ANKRD17: variants seen among roughly 807,000 people sequenced by gnomAD.
ANKRD17 encodes ankyrin repeat domain 17.
In ANKRD17, 19 loss-of-function variants were observed where a neutral mutation model predicts 229.7. That is an observed-to-expected ratio of 0.08 (90% CI 0.06 to 0.12). ANKRD17 has a LOEUF of 0.12. Among genes scored for constraint, ANKRD17 ranks in the 10% least tolerant of loss-of-function variants. The pLI, the probability that ANKRD17 is intolerant of heterozygous loss-of-function variation, is 1.00. For synonymous variants in ANKRD17, 1,112 were observed against 1,146.1 expected, an observed-to-expected ratio of 0.97 and a Z score of 0.60; for missense variants, 2,176 against 3,176.8, an observed-to-expected ratio of 0.68 and a Z score of 7.57.
chr4:73,154,157 C>A, intron 5 of ANKRD17, 44 bp from the exon 6 acceptor site: 1 of 1,361,966 alleles, frequency 7.3e-7, no homozygotes, highest in Non-Finnish European at 9.8e-7. Context: ...CATAAAATAC[C>A]AAAATAAATT....
intron 2 of ANKRD17, among the ~76,000 whole-genome samples, chr4:73,174,623 A>G (rs1378032417): frequency 1.3e-5 from 2 of 152,342 alleles, no homozygotes; most frequent in East Asian, 3.9e-4. Context: ...ACTGATAAGG[A>G]AGAAGTCAAA....
At chr4:73,111,614 A>G (rs1725326401) in intron 24 of ANKRD17, among the ~76,000 whole-genome samples, 1 of 152,268 alleles carries the variant, frequency 6.6e-6, no homozygotes, top group South Asian at 2.1e-4. Flanking sequence ...TATTTAAAAA[A>G]TATGTATAAG....
intron 33 of ANKRD17, 104 bp downstream of exon 33, chr4:73,076,836 A>G (rs1463878294): frequency 2.2e-6 from 3 of 1,356,804 alleles, no homozygotes; most frequent in Non-Finnish European, 3.0e-6. Flanking sequence ...TCAACTGCCC[A>G]TATTCACCAA....
chr4:73,086,366 TA>T (rs1176134813), intron 29 of ANKRD17, among the ~76,000 whole-genome samples: 1 of 152,182 alleles, frequency 6.6e-6, no homozygotes, highest in Non-Finnish European at 1.5e-5. Flanking sequence ...TAGGGATTTT[TA>T]GATAACATTT....
At chr4:73,223,318 A>G (rs1329237541) in intron 1 of ANKRD17, among the ~76,000 whole-genome samples, 1 of 152,248 alleles carries the variant, frequency 6.6e-6, no homozygotes, top group Non-Finnish European at 1.5e-5. Context: ...AAATTTCAAA[A>G]AAGAAATAAC....
chr4:73,075,188 TTGA>T lies in ANKRD17; in HGVS notation c.*1040_*1042del, dbSNP rs780752233. The T allele has an allele frequency of 3.3e-5, 5 of 152,162 alleles. No homozygotes were observed. Among genetic ancestry groups the T allele is most frequent in the African/African-American group, 4.8e-5 (2 of 41,466 alleles). 9.4% of individuals were successfully genotyped at this position (152,162 alleles called of 1,614,324 possible). On this transcript the variant is annotated 3_prime_UTR_variant, in exon 34 of 34. Transcript: ENST00000358602. Reference sequence around the variant, plus strand: ...AAAATTGAAATTTTTATGTTGACTGTTGATGACTGAAAAGCCAATGTTAAGAAT... The same window carrying T: ...AAAATTGAAATTTTTATGTTGACTGTTGACTGAAAAGCCAATGTTAAGAAT...
intron 25 of ANKRD17, among the ~76,000 whole-genome samples, chr4:73,099,870 T>C (rs1187982902): frequency 6.6e-6 from 1 of 152,134 alleles, no homozygotes; most frequent in South Asian, 2.1e-4. Flanking sequence ...ATTGCGGTGA[T>C]GGAGATGCAG....
chr4:73,257,451 TC>T (rs772444462), intron 1 of ANKRD17, among the ~76,000 whole-genome samples: 5 of 152,096 alleles, frequency 3.3e-5, no homozygotes, highest in Non-Finnish European at 4.4e-5. Context: ...CAGGCCTGGC[TC>T]CAAAGCCTAC....
At chr4:73,078,170 A>G (rs972604160) in intron 31 of ANKRD17, among the ~76,000 whole-genome samples, 1 of 152,110 alleles carries the variant, frequency 6.6e-6, no homozygotes, top group South Asian at 2.1e-4. Flanking sequence ...CAAGGTCAGG[A>G]GATCGTGACC....
intron 2 of ANKRD17, among the ~76,000 whole-genome samples, chr4:73,169,644 C>T (rs2148954867): frequency 6.6e-6 from 1 of 152,228 alleles, no homozygotes; most frequent in South Asian, 2.1e-4. Context: ...CTGGTTTTGA[C>T]TTCGCATTGC....
intron 1 of ANKRD17, among the ~76,000 whole-genome samples, chr4:73,184,006 AT>A (rs1242268701): frequency 6.6e-6 from 1 of 152,192 alleles, no homozygotes; most frequent in Non-Finnish European, 1.5e-5. Flanking sequence ...TCTTTTAACA[AT>A]GGTCAGAGCT....
chr4:73,123,483 C>G (rs766034064), intron 18 of ANKRD17, among the ~76,000 whole-genome samples: 22 of 151,968 alleles, frequency 1.4e-4, no homozygotes, highest in Non-Finnish European at 2.7e-4. Context: ...GGCTCCTTGT[C>G]TCTTGTGTGG....
At chr4:73,183,235 T>A (rs879718329) in intron 1 of ANKRD17, among the ~76,000 whole-genome samples, 72 of 152,294 alleles carry the variant, frequency 4.7e-4, no homozygotes, top group South Asian at 8.3e-4. Context: ...AAAAACAGTA[T>A]TTTTGAGACA....
intron 27 of ANKRD17, among the ~76,000 whole-genome samples, chr4:73,096,643 G>A (rs1315201673): frequency 6.6e-6 from 1 of 152,034 alleles, no homozygotes; most frequent in Non-Finnish European, 1.5e-5. Context: ...CTCCTTTTAC[G>A]TTTCTGAGAT....
At chr4:73,225,303 C>T (rs1742352992) in intron 1 of ANKRD17, among the ~76,000 whole-genome samples, 1 of 152,146 alleles carries the variant, frequency 6.6e-6, no homozygotes, top group Non-Finnish European at 1.5e-5. Context: ...GAACACTCTC[C>T]TTTTCCATAA....
intron 25 of ANKRD17, chr4:73,101,315 C>T (rs1723950874): frequency 1.5e-6 from 1 of 687,936 alleles, no homozygotes; most frequent in Non-Finnish European, 1.8e-6. Context: ...ATTTATAATA[C>T]CTAAAATGGT....
At chr4:73,161,065 G>T in intron 3 of ANKRD17, 127 bp downstream of exon 3, 1 of 1,164,916 alleles carries the variant, frequency 8.6e-7, no homozygotes, top group Non-Finnish European at 1.2e-6. Flanking sequence ...ATCTAAATAA[G>T]ACATCACATG....
intron 30 of ANKRD17, among the ~76,000 whole-genome samples, chr4:73,083,951 A>G (rs1055230725): frequency 6.6e-6 from 1 of 151,964 alleles, no homozygotes; most frequent in Admixed American, 6.6e-5. Flanking sequence ...ACAAAACAAA[A>G]AAAAAAAAAC....
intron 6 of ANKRD17, 90 bp downstream of exon 6, chr4:73,153,785 ATTGTT>A: frequency 1.1e-6 from 1 of 890,704 alleles, no homozygotes; most frequent in African/African-American, 1.7e-5. Context: ...ATATACTATC[ATTGTT>A]TTATTTTTTA....
Sources: gnomAD v4.1 joint callset for allele counts (sites outside exome capture counted in the v4.1 genomes callset) on GRCh38, gnomAD v4.1.1 for gene constraint, MANE v1.5 for transcripts, NCBI Gene and HGNC (gene_info 2026-07-23, HGNC 2026-07-21) for gene names.